Variants in GALNTL6 observed in about 807,000 individuals in gnomAD.
The protein encoded by GALNTL6 is polypeptide N-acetylgalactosaminyltransferase like 6, also known as polypeptide N-acetylgalactosaminyltransferase-like 6.
A neutral mutation model predicts 73.7 loss-of-function variants in GALNTL6; 46 were observed. The ratio of observed to expected loss-of-function variants is 0.62; its 90% CI spans 0.49 to 0.80. GALNTL6 has a LOEUF of 0.80. Among genes scored for constraint, GALNTL6 ranks in the 30% least tolerant of loss-of-function variants. GALNTL6 has a pLI of 0.00. For synonymous variants in GALNTL6, 259 were observed against 263.7 expected, an observed-to-expected ratio of 0.98 and a Z score of 0.17; for missense variants, 604 against 755.0, an observed-to-expected ratio of 0.80 and a Z score of 2.34.
chr4:172,054,540 T>C (rs1000175475), intron 2 of GALNTL6, among the ~76,000 whole-genome samples: 27 of 152,138 alleles, frequency 1.8e-4, no homozygotes, highest in African/African-American at 6.5e-4. Context: ...TCCTAGTTCA[T>C]AGACCAGAGA....
At chr4:171,989,635 T>C (rs1740268909) in intron 2 of GALNTL6, among the ~76,000 whole-genome samples, 1 of 152,234 alleles carries the variant, frequency 6.6e-6, no homozygotes, top group Admixed American at 6.5e-5. Context: ...ACATTGCTAC[T>C]TGGCTGCCTC....
intron 5 of GALNTL6, among the ~76,000 whole-genome samples, chr4:172,426,926 A>ATG (rs1018010878): frequency 2.0e-5 from 3 of 151,980 alleles, no homozygotes; most frequent in African/African-American, 7.3e-5. Context: ...TTATATATAT[A>ATG]TATATATATA....
At chr4:172,911,044 G>A (rs1031103421) in intron 8 of GALNTL6, among the ~76,000 whole-genome samples, 1 of 152,156 alleles carries the variant, frequency 6.6e-6, no homozygotes, top group South Asian at 2.1e-4. Flanking sequence ...CCAAACACTT[G>A]GTTCCCAAGA....
chr4:172,368,236 C>T (rs868136436), intron 5 of GALNTL6, among the ~76,000 whole-genome samples: 2 of 151,872 alleles, frequency 1.3e-5, no homozygotes, highest in African/African-American at 2.4e-5. Context: ...AAAAAATTAG[C>T]GAGGTGTGGT....
At chr4:172,799,946 G>C (rs1435346982) in intron 5 of GALNTL6, among the ~76,000 whole-genome samples, 1 of 152,124 alleles carries the variant, frequency 6.6e-6, no homozygotes, top group Non-Finnish European at 1.5e-5. Context: ...TTAAAAGAAA[G>C]ATAATTCTGA....
At chr4:172,615,868 A>G (rs973467462) in intron 5 of GALNTL6, among the ~76,000 whole-genome samples, 7 of 152,236 alleles carry the variant, frequency 4.6e-5, no homozygotes, top group Admixed American at 3.9e-4. Context: ...ATTTAGTAAG[A>G]TCAGACAATT....
intron 5 of GALNTL6, among the ~76,000 whole-genome samples, chr4:172,370,794 G>T (rs1742779060): frequency 6.6e-6 from 1 of 152,112 alleles, no homozygotes; most frequent in African/African-American, 2.4e-5. Flanking sequence ...GCAGGGGGGA[G>T]GTCTAGACCT....
intron 5 of GALNTL6, among the ~76,000 whole-genome samples, chr4:172,651,724 C>T (rs1448703879): frequency 1.3e-5 from 2 of 152,146 alleles, no homozygotes; most frequent in Non-Finnish European, 2.9e-5. Context: ...ATACCCTCCT[C>T]CCCAGACAAG....
At chr4:172,084,898 T>C (rs1731982387) in intron 2 of GALNTL6, among the ~76,000 whole-genome samples, 1 of 152,140 alleles carries the variant, frequency 6.6e-6, no homozygotes, top group African/African-American at 2.4e-5. Context: ...TCACGTAAAA[T>C]TATTTACTAA....
intron 5 of GALNTL6, among the ~76,000 whole-genome samples, chr4:172,589,895 G>A (rs1172176313): frequency 6.6e-6 from 1 of 151,964 alleles, no homozygotes; most frequent in Non-Finnish European, 1.5e-5. Flanking sequence ...TACTACTTCT[G>A]AGAATGAGCA....
rs751115136 is a variant in GALNTL6, at chr4:172,229,687, T to A, written c.170T>A (p.Phe57Tyr). ...CCACTGGGCCTGGGAGATGGGCAAT[T>A]CTATTCATGGACAGATGGTTTGAGA... ...TFPLGLGDGQ[F>Y]YSWTDGLRRK... The change falls in exon 3 of 13, where the codon TTC becomes TAC. Residue 57 changes from phenylalanine to tyrosine, a missense_variant. Phe to Tyr is a conservative substitution (Grantham distance 22, BLOSUM62 3). Transcript: ENST00000506823. 2 of 1,613,782 alleles carry A rather than the reference T, an allele frequency of 1.2e-6. No homozygotes were observed. Among genetic ancestry groups the A allele is most frequent in the East Asian group, 4.5e-5 (2 of 44,864 alleles).
chr4:172,331,982 C>T (rs1044832221), intron 4 of GALNTL6, among the ~76,000 whole-genome samples: 2 of 151,944 alleles, frequency 1.3e-5, no homozygotes, highest in African/African-American at 2.4e-5. Flanking sequence ...TTTTTTATTC[C>T]CCAGACTAAA....
intron 7 of GALNTL6, among the ~76,000 whole-genome samples, chr4:172,837,037 CATT>C (rs1742946101): frequency 6.6e-6 from 1 of 152,194 alleles, no homozygotes; most frequent in Admixed American, 6.5e-5. Context: ...CTCTAACCTA[CATT>C]ATACGATTTT....
At chr4:172,388,893 C>A (rs941790485) in intron 5 of GALNTL6, among the ~76,000 whole-genome samples, 4 of 151,982 alleles carry the variant, frequency 2.6e-5, no homozygotes, top group Admixed American at 2.0e-4. Flanking sequence ...TATTATTAGC[C>A]ATTTAAAAAT....
chr4:171,889,654 T>C (rs1736706116), intron 2 of GALNTL6, among the ~76,000 whole-genome samples: 1 of 152,088 alleles, frequency 6.6e-6, no homozygotes, highest in South Asian at 2.1e-4. Context: ...ACTGTCCTTA[T>C]ATTTGGGTAC....
At chr4:172,291,693 A>G (rs1156550006) in intron 3 of GALNTL6, among the ~76,000 whole-genome samples, 2 of 151,938 alleles carry the variant, frequency 1.3e-5, no homozygotes, top group Non-Finnish European at 2.9e-5. Context: ...GGTATGCATA[A>G]GTTTTCAGGC....
At chr4:172,253,684 C>T (rs1210692236) in intron 3 of GALNTL6, among the ~76,000 whole-genome samples, 5 of 152,026 alleles carry the variant, frequency 3.3e-5, no homozygotes, top group South Asian at 4.1e-4. Context: ...TGGTAATAGA[C>T]GTTCACATCA....
intron 5 of GALNTL6, among the ~76,000 whole-genome samples, chr4:172,800,895 A>C (rs2110959474): frequency 6.6e-6 from 1 of 152,252 alleles, no homozygotes; most frequent in Admixed American, 6.5e-5. Flanking sequence ...GATTTGGAGA[A>C]AATACAAAAT....
At chr4:172,085,578 T>C (rs1732007493) in intron 2 of GALNTL6, among the ~76,000 whole-genome samples, 1 of 151,994 alleles carries the variant, frequency 6.6e-6, no homozygotes, top group Non-Finnish European at 1.5e-5. Context: ...AAATTATACA[T>C]TAAGCATGAA....
Sources: allele counts gnomAD v4.1 joint callset (sites outside exome capture counted in the v4.1 genomes callset), GRCh38; gene constraint gnomAD v4.1.1; transcripts MANE v1.5; gene names NCBI Gene and HGNC (gene_info 2026-07-23, HGNC 2026-07-21).